Variants in ST3GAL1 observed in about 807,000 individuals in gnomAD.
The protein encoded by ST3GAL1 is ST3 beta-galactoside alpha-2,3-sialyltransferase 1, also known as CMP-N-acetylneuraminate-beta-galactosamide-alpha-2,3-sialyltransferase 1.
In ST3GAL1, 16 loss-of-function variants were observed where a neutral mutation model predicts 34.1. The observed-to-expected ratio is 0.47, with a 90% CI of 0.32 to 0.71. The LOEUF is 0.71. Among genes scored for constraint, ST3GAL1 ranks in the 30% least tolerant of loss-of-function variants. ST3GAL1 has a pLI of 0.04. For missense variants in ST3GAL1, 353 were observed against 447.4 expected, an observed-to-expected ratio of 0.79 and a Z score of 1.90; for synonymous variants, 191 against 184.7, an observed-to-expected ratio of 1.03 and a Z score of -0.28.
intron 2 of ST3GAL1, among the ~76,000 whole-genome samples, chr8:133,512,676 G>A (rs957904445): frequency 3.3e-5 from 5 of 152,158 alleles, no homozygotes; most frequent in Non-Finnish European, 7.3e-5. Flanking sequence ...GCCCGAGCCT[G>A]TTTCTCCAGT....
In ST3GAL1 at chr8:133,467,621, TTGGGGTAGGGGTGATAAGCTG is replaced by T. The variant is rs1815792159; in HGVS notation, c.307-1552_307-1532del. Among the ~76,000 whole-genome samples, 1 of 152,142 alleles carries T rather than the reference TTGGGGTAGGGGTGATAAGCTG, an allele frequency of 6.6e-6. No individual in the cohort carries two copies. Among genetic ancestry groups the T allele is most frequent in the African/African-American group, 2.4e-5 (1 of 41,432 alleles). The stretch of plus-strand genomic sequence containing the variant: ...CTTTGGAAAGCCCAGACCCTGGATT[TTGGGGTAGGGGTGATAAGCTG>T]TGGGGTGATTCCCATCGGCTACTCC... On this transcript the variant is annotated intron_variant, in intron 5 of 9. Coordinates refer to ENST00000522652, the MANE Select transcript of ST3GAL1 (RefSeq NM_173344.3). This position sits in a 1 kb window ranked among gnomAD's most constrained non-coding sequence, Gnocchi z 4.2.
rs1452080049 is a variant in ST3GAL1 at position 133,556,077 on chromosome 8, G to A, written c.-581-10151C>T. On this transcript the variant is annotated intron_variant, in intron 1 of 9. Transcript: ENST00000522652. This position sits in a 1 kb window ranked among gnomAD's most constrained non-coding sequence, Gnocchi z 8.9. ...CCTGGCTGATTTTTTTTGTATTTTA[G>A]TAGAGACGGGGTTTCATCATGTTGC... 6.6e-6 allele frequency among the ~76,000 whole-genome samples: 1 copy of A among 152,004 alleles called. No homozygotes were observed. Among genetic ancestry groups the A allele is most frequent in the Non-Finnish European group, 1.5e-5 (1 of 67,994 alleles).
chr8:133,540,180 G>T (rs764517336), intron 2 of ST3GAL1, among the ~76,000 whole-genome samples: 8 of 152,068 alleles, frequency 5.3e-5, no homozygotes, highest in Non-Finnish European at 1.2e-4. Context: ...CAGCCTTTCA[G>T]ATACTCCAGA....
At chr8:133,539,956 C>T (rs983113204) in intron 2 of ST3GAL1, among the ~76,000 whole-genome samples, 19 of 152,150 alleles carry the variant, frequency 1.2e-4, no homozygotes, top group Admixed American at 6.5e-5. Context: ...GAGGACATAG[C>T]TCTCATCTTA....
At position 133,459,026 on chromosome 8, in the gene ST3GAL1, C is replaced by T. The variant is rs1390271620; in HGVS notation, c.*738G>A. 1.3e-5 allele frequency: 2 copies of T among 151,990 alleles called. No homozygotes were observed. The highest frequency in any genetic ancestry group is 1.9e-4 in the East Asian group (1 of 5,158). The allele number at this position is 151,990 out of a possible 1,614,324, so 9.4% of individuals were successfully genotyped here. ...TCAGCCTCCCTAGTAGCTGGGGCTA[C>T]AAGTGTGTGCCACCGTGCCTGGCTA... On this transcript the variant is annotated 3_prime_UTR_variant, in exon 10 of 10. Coordinates refer to ENST00000522652, the MANE Select transcript of ST3GAL1 (RefSeq NM_173344.3). This position sits in a 1 kb window ranked among gnomAD's most constrained non-coding sequence, Gnocchi z 4.7.
At chr8:133,485,416 G>T (rs1816546459) in intron 3 of ST3GAL1, among the ~76,000 whole-genome samples, 1 of 152,160 alleles carries the variant, frequency 6.6e-6, no homozygotes, top group African/African-American at 2.4e-5. Flanking sequence ...GAAGCTTCGT[G>T]GCCTGTGGGC....
At chr8:133,527,954 C>T (rs1818025777) in intron 2 of ST3GAL1, among the ~76,000 whole-genome samples, 1 of 150,952 alleles carries the variant, frequency 6.6e-6, no homozygotes, top group African/African-American at 2.4e-5. Flanking sequence ...GTGGGCAGAT[C>T]GAAGTCAAGA....
At chr8:133,474,687 C>T (rs1410049562) in intron 5 of ST3GAL1, among the ~76,000 whole-genome samples, 1 of 152,174 alleles carries the variant, frequency 6.6e-6, no homozygotes, top group African/African-American at 2.4e-5. Context: ...CTCTTGCACC[C>T]GCTGTCCCAG....
At chr8:133,566,248 C>G (rs951192056) in intron 1 of ST3GAL1, among the ~76,000 whole-genome samples, 1 of 152,174 alleles carries the variant, frequency 6.6e-6, no homozygotes, top group African/African-American at 2.4e-5. Flanking sequence ...GCATGCTCCC[C>G]CAACACAGTC....
chr8:133,499,920 C>T (rs1387900266), intron 2 of ST3GAL1, among the ~76,000 whole-genome samples: 2 of 152,072 alleles, frequency 1.3e-5, no homozygotes, highest in African/African-American at 2.4e-5. Flanking sequence ...TGGGCAGGGG[C>T]GGGAGGTAGT....
At chr8:133,498,270 CT>C (rs1159805227) in intron 3 of ST3GAL1, among the ~76,000 whole-genome samples, 1 of 152,236 alleles carries the variant, frequency 6.6e-6, no homozygotes, top group Non-Finnish European at 1.5e-5. Flanking sequence ...TACATGTGGA[CT>C]GCAGGGACAG....
intron 7 of ST3GAL1, 75 bp from the exon 8 acceptor site, chr8:133,463,534 G>T: frequency 1.3e-6 from 2 of 1,502,284 alleles, no homozygotes; most frequent in Non-Finnish European, 1.8e-6. Flanking sequence ...AGCTCTGGGG[G>T]TAGTGGCTAG....
rs60990775 is a variant in ST3GAL1, at chr8:133,565,151, CTGTGTGTGTGTG to C, written c.-582+6530_-582+6541del. Among the ~76,000 whole-genome samples the C allele has an allele frequency of 8.9e-3, 1,247 of 139,408 alleles. 19 individuals carry two copies. Among genetic ancestry groups the C allele is most frequent in the African/African-American group, 0.032 (1,187 of 36,924 alleles). 91.5% of individuals were successfully genotyped at this position (139,408 alleles called of 152,430 possible). On this transcript the variant is annotated intron_variant, in intron 1 of 9. Coordinates refer to ENST00000522652, the MANE Select transcript of ST3GAL1 (RefSeq NM_173344.3). ...CAAATGAGATAACAGCTCTGTGTGC[CTGTGTGTGTGTG>C]TGTGTGTGTGTGTGTGTGTGTGTGT...
At chr8:133,460,523 C>T (rs147344616) in intron 9 of ST3GAL1, among the ~76,000 whole-genome samples, 71 of 152,340 alleles carry the variant, frequency 4.7e-4, no homozygotes, top group Middle Eastern at 3.4e-3. Context: ...CTAGACCAGG[C>T]CTTTCACATA....
chr8:133,562,506 C>A (rs1819257038), intron 1 of ST3GAL1, among the ~76,000 whole-genome samples: 1 of 152,106 alleles, frequency 6.6e-6, no homozygotes, highest in Non-Finnish European at 1.5e-5. Context: ...CAGGGCCTGG[C>A]CTGAATCCAC....
At chr8:133,485,792 G>T (rs1055108012) in intron 3 of ST3GAL1, among the ~76,000 whole-genome samples, 3 of 150,980 alleles carry the variant, frequency 2.0e-5, no homozygotes, top group African/African-American at 7.3e-5. Flanking sequence ...TGGAGCTTTG[G>T]GGGGGATAGA....
intron 2 of ST3GAL1, among the ~76,000 whole-genome samples, chr8:133,511,636 C>T (rs927140445): frequency 6.6e-6 from 1 of 152,176 alleles, no homozygotes. Flanking sequence ...CGTGCCACAC[C>T]AACAGATACT....
At chr8:133,492,839 C>A (rs1004934291) in intron 3 of ST3GAL1, among the ~76,000 whole-genome samples, 1 of 152,236 alleles carries the variant, frequency 6.6e-6, no homozygotes, top group African/African-American at 2.4e-5. Context: ...TACCCCACCT[C>A]GGGGAGCGTC....
chr8:133,480,907 T>C (rs1816358357), intron 3 of ST3GAL1, among the ~76,000 whole-genome samples: 1 of 152,254 alleles, frequency 6.6e-6, no homozygotes, highest in Non-Finnish European at 1.5e-5. Context: ...ATTCAGTTCT[T>C]CATTTCAGTG....
Sources: allele counts gnomAD v4.1 joint callset (sites outside exome capture counted in the v4.1 genomes callset), GRCh38; gene constraint gnomAD v4.1.1; non-coding constraint Gnocchi (gnomAD v3.1); transcripts MANE v1.5; gene names NCBI Gene and HGNC (gene_info 2026-07-23, HGNC 2026-07-21).